ZNF461: variants seen among roughly 807,000 people sequenced by gnomAD.
ZNF461 encodes the protein gonadotropin-inducible ovarian transcription factor-1.
A neutral mutation model predicts 18.3 loss-of-function variants in ZNF461; 16 were observed. The ratio of observed to expected loss-of-function variants is 0.88; its 90% CI spans 0.59 to 1.33. ZNF461 has a LOEUF of 1.33. Among genes scored for constraint, ZNF461 ranks in the 40% most tolerant of loss-of-function variants. The pLI, the probability that ZNF461 is intolerant of heterozygous loss-of-function variation, is 0.00. For missense variants in ZNF461, 595 were observed against 669.9 expected, an observed-to-expected ratio of 0.89 and a Z score of 1.23; for synonymous variants, 179 against 216.9, an observed-to-expected ratio of 0.83 and a Z score of 1.54.
chr19:36,653,681 C>T (rs781028306), intron 4 of ZNF461, among the ~76,000 whole-genome samples: 8 of 152,266 alleles, frequency 5.3e-5, no homozygotes, highest in East Asian at 3.9e-4. Flanking sequence ...TTCACTACCA[C>T]GAGAACAGTA....
chr19:36,657,595 A>G (rs1484448834), intron 3 of ZNF461: 1 of 152,086 alleles, frequency 6.6e-6, no homozygotes, highest in Non-Finnish European at 1.5e-5. Context: ...CCTGACCAAC[A>G]TGGAAAAAAC....
rs1200861409 is a variant in ZNF461 at position 36,637,697 on chromosome 19, T to G, written c.*956A>C. 2 of 247,816 alleles carry G rather than the reference T, an allele frequency of 8.1e-6. No homozygotes were observed. The highest frequency in any genetic ancestry group is 5.6e-5 in the Admixed American group (1 of 17,850). The allele number at this position is 247,816 out of a possible 1,614,324, so 15.4% of individuals were successfully genotyped here. ...GGGTGTGTCTCAAAAAAAAAAAAAA[T>G]GAAGTAGGCCAAATGTGGACTAATA... On this transcript the variant is annotated 3_prime_UTR_variant, in exon 6 of 6. Transcript: ENST00000588268.
Position 36,639,467 on chromosome 19 carries a change from C to A in ZNF461, c.878G>T (p.Arg293Ile), listed in dbSNP as rs776583927. The A allele has an allele frequency of 2.9e-5, 47 of 1,613,710 alleles. No homozygotes were observed. Among genetic ancestry groups the A allele is most frequent in the Middle Eastern group, 1.6e-4 (1 of 6,082 alleles). The change falls in exon 6 of 6, where the codon AGA becomes ATA. Residue 293 changes from arginine (R) to isoleucine (I), a missense_variant. Coordinates refer to ENST00000588268, the MANE Select transcript of ZNF461 (RefSeq NM_153257.5). ...NYGSELTLHQ[R>I]IHTGEKPYEC... ...ATAAGGTTTCTCACCAGTGTGAATT[C>A]TTTGATGTAGAGTAAGTTCTGAGCC...
Position 36,636,676 on chromosome 19 carries a change from G to A in ZNF461, c.*1977C>T, listed in dbSNP as rs547782219. On this transcript the variant is annotated 3_prime_UTR_variant, in exon 6 of 6. Coordinates refer to ENST00000588268, the MANE Select transcript of ZNF461 (RefSeq NM_153257.5). ...AGAGCAAATCAAAAGCTGCAAAGGC[G>A]CCAAGCTCTGGTCTCCACACTATTT... Among the ~76,000 whole-genome samples, 82 of 152,294 alleles carry A rather than the reference G, an allele frequency of 5.4e-4. No homozygotes were observed. The highest frequency in any genetic ancestry group is 2.2e-3 in the Admixed American group (33 of 15,296).
chr19:36,643,982 G>A (rs3108611), intron 4 of ZNF461, 120 bp from the exon 5 acceptor site: 232,792 of 807,538 alleles, frequency 0.29, 33,808 homozygotes, highest in African/African-American at 0.34. Context: ...GCCCAAGCTG[G>A]AGTGCAATCA....
chr19:36,664,649 A>T lies in ZNF461; in HGVS notation c.9+49T>A, dbSNP rs749108536. On this transcript the variant is annotated intron_variant, in intron 2 of 5. Transcript: ENST00000588268. ...CTATACAAAAAAAACAAAAACAAAC[A>T]AACAAAAAATCAAGTATTGTAATTA... The T allele has an allele frequency of 7.4e-6, 11 of 1,483,734 alleles. No individual in the cohort carries two copies. In the African/African-American group the frequency reaches 1.4e-4, roughly 20 times the overall value. 91.9% of individuals were successfully genotyped at this position (1,483,734 alleles called of 1,614,324 possible).
In ZNF461 at chr19:36,637,501, A is replaced by G. The variant is rs546474934; in HGVS notation, c.*1152T>C. On this transcript the variant is annotated 3_prime_UTR_variant, in exon 6 of 6. Coordinates refer to ENST00000588268, the MANE Select transcript of ZNF461 (RefSeq NM_153257.5). ...AGGCATGAGCCACCAAGCCTGGCCA[A>G]TTTTGATAATTTTCATCCACATCAA... 5 of 155,824 alleles carry G rather than the reference A, an allele frequency of 3.2e-5. No homozygotes were observed. Among genetic ancestry groups the G allele is most frequent in the East Asian group, 1.9e-4 (1 of 5,270 alleles). 9.7% of individuals were successfully genotyped at this position (155,824 alleles called of 1,614,324 possible).
In ZNF461 at chr19:36,638,379, T is replaced by TGTTTCAGTGAAATATTTCACTG. The variant is rs771019934; in HGVS notation, c.*252_*273dup. On this transcript the variant is annotated 3_prime_UTR_variant, in exon 6 of 6. Transcript: ENST00000588268. Reference sequence around the variant, plus strand: ...GGAAATTGTTTTCATTTTATTTCACTGTTTCAGTGAAATATTTCACTGGTT... The same window carrying TGTTTCAGTGAAATATTTCACTG: ...GGAAATTGTTTTCATTTTATTTCACTGTTTCAGTGAAATATTTCACTGGTTTCAGTGAAATATTTCACTGGTT... 1.8e-5 allele frequency: 5 copies of TGTTTCAGTGAAATATTTCACTG among 270,660 alleles called. No homozygotes were observed. In the East Asian group the frequency reaches 2.1e-4, roughly 11 times the overall value. 16.8% of individuals were successfully genotyped at this position (270,660 alleles called of 1,614,324 possible).
At chr19:36,643,361 G>A (rs1020551288) in intron 5 of ZNF461, 2 of 152,298 alleles carry the variant, frequency 1.3e-5, no homozygotes, top group East Asian at 1.9e-4. Context: ...AATGATATAG[G>A]AGGTACTTTT....
At position 36,638,009 on chromosome 19, in the gene ZNF461, A is replaced by G; in HGVS notation, c.*644T>C. ...TATACGCCAGATACTCTTTAATCCC[A>G]CTGTTGGGAATCTGCACAATAGAAA... On this transcript the variant is annotated 3_prime_UTR_variant, in exon 6 of 6. Transcript: ENST00000588268. 4.2e-6 allele frequency: 1 copy of G among 235,454 alleles called. No homozygotes were observed. Among genetic ancestry groups the G allele is most frequent in the South Asian group, 4.6e-5 (1 of 21,694 alleles). The allele number at this position is 235,454 out of a possible 1,614,324, so 14.6% of individuals were successfully genotyped here.
At chr19:36,641,339 G>A (rs1235717612) in intron 5 of ZNF461, among the ~76,000 whole-genome samples, 1 of 152,022 alleles carries the variant, frequency 6.6e-6, no homozygotes, top group Non-Finnish European at 1.5e-5. Context: ...GGCCAACATG[G>A]TGAAACCTGT....
chr19:36,655,184 A>G (rs937433661), intron 4 of ZNF461, among the ~76,000 whole-genome samples: 3 of 152,012 alleles, frequency 2.0e-5, no homozygotes, highest in Non-Finnish European at 4.4e-5. Flanking sequence ...TTGTAAAGAC[A>G]GGGCTTTTGC....
At chr19:36,656,029 G>A (rs1342827541) in intron 4 of ZNF461, among the ~76,000 whole-genome samples, 3 of 127,932 alleles carry the variant, frequency 2.3e-5, no homozygotes, top group Admixed American at 9.6e-5. Flanking sequence ...ACGGAGTCTC[G>A]TTCTGTCGCC....
chr19:36,636,740 A>G lies in ZNF461; in HGVS notation c.*1913T>C, dbSNP rs1177353909. ...ACTTAGATCTAAGAAGCAGATGTTC[A>G]GGGGTGAAACAGTGAAAGGGGGGCA... On this transcript the variant is annotated 3_prime_UTR_variant, in exon 6 of 6. Transcript: ENST00000588268. Among the ~76,000 whole-genome samples, 1 of 152,238 alleles carries G rather than the reference A, an allele frequency of 6.6e-6. No individual in the cohort carries two copies. The highest frequency in any genetic ancestry group is 6.5e-5 in the Admixed American group (1 of 15,282).
Position 36,639,278 on chromosome 19 carries a change from G to C in ZNF461, c.1067C>G (p.Pro356Arg). The C allele has an allele frequency of 1.2e-6, 2 of 1,614,024 alleles. No individual in the cohort carries two copies. Among genetic ancestry groups the C allele is most frequent in the Non-Finnish European group, 1.7e-6 (2 of 1,180,006 alleles). ...EHLRLHTGEK[P>R]YECKECGKTF... Reference sequence around the variant, plus strand: ...CTTTCCACATTCTTTACATTCATAAGGTTTCTCTCCAGTATGGAGTCGCAG... The same window carrying C: ...CTTTCCACATTCTTTACATTCATAACGTTTCTCTCCAGTATGGAGTCGCAG... Residue 356 changes from proline to arginine, a missense_variant, in exon 6 of 6, where the codon CCT (proline) becomes CGT (arginine). By Grantham distance (103) the Pro-to-Arg change is moderately radical. Transcript: ENST00000588268.
At chr19:36,661,463 G>A (rs559240554) in intron 2 of ZNF461, among the ~76,000 whole-genome samples, 196 of 151,262 alleles carry the variant, frequency 1.3e-3, no homozygotes, top group African/African-American at 4.7e-3. Flanking sequence ...ATTAATCCAA[G>A]ACGAGGTAGG....
Position 36,643,885 on chromosome 19 carries a change from ATACT to A in ZNF461, c.233-27_233-24del, listed in dbSNP as rs932203823. ...TACCTACATGGAAACAAAAGAATAA[ATACT>A]TCATTTTAGAATAATATTTTATTAT... is the stretch of plus-strand genomic sequence containing the variant. On this transcript the variant is annotated intron_variant, in intron 4 of 5. Coordinates refer to ENST00000588268, the MANE Select transcript of ZNF461 (RefSeq NM_153257.5). The A allele has an allele frequency of 4.9e-6, 7 of 1,430,954 alleles. No homozygotes were observed. In the African/African-American group the frequency reaches 8.7e-5, roughly 18 times the overall value. The allele number at this position is 1,430,954 out of a possible 1,614,324, so 88.6% of individuals were successfully genotyped here.
Position 36,660,269 on chromosome 19 carries a change from C to A in ZNF461, c.10-1844G>T, listed in dbSNP as rs900159998. Among the ~76,000 whole-genome samples the A allele has an allele frequency of 5.9e-5, 9 of 151,630 alleles. No homozygotes were observed. The East Asian group carries it at 1.7e-3, about 29-fold the overall frequency. The stretch of plus-strand genomic sequence containing the variant: ...GGTTCAAGTGATTCTCATGCCTCAG[C>A]CTCCCGAGTAGCTGGGATTACAGGT... On this transcript the variant is annotated intron_variant, in intron 2 of 5. Transcript: ENST00000588268.
Position 36,664,700 on chromosome 19 carries a change from G to A in ZNF461, c.7C>T (p.His3Tyr), listed in dbSNP as rs201493265. The A allele has an allele frequency of 1.4e-4, 208 of 1,505,848 alleles. No homozygotes were observed. The highest frequency in any genetic ancestry group is 1.6e-4 in the Non-Finnish European group (176 of 1,134,290). 93.3% of individuals were successfully genotyped at this position (1,505,848 alleles called of 1,614,324 possible). A position where few individuals can be genotyped will look rare whatever the true frequency, so the allele number is the denominator to read the frequency against. Reference sequence around the variant, plus strand: ...GGAGCAAGAAAAAACCAACTTACATGGGCCATGTCTTATTTTAGAATTGAA... The same window carrying A: ...GGAGCAAGAAAAAACCAACTTACATAGGCCATGTCTTATTTTAGAATTGAA... MA[H>Y]ELVMFRDVAI... Residue 3 changes from histidine to tyrosine, a missense_variant and splice_region_variant, in exon 2 of 6, where the codon CAT (histidine) becomes TAT (tyrosine). By Grantham distance (83) the His-to-Tyr change is moderately conservative. Coordinates refer to ENST00000588268, the MANE Select transcript of ZNF461 (RefSeq NM_153257.5).
Sources: allele counts gnomAD v4.1 joint callset (sites outside exome capture counted in the v4.1 genomes callset), GRCh38; gene constraint gnomAD v4.1.1; transcripts MANE v1.5; gene names NCBI Gene and HGNC (gene_info 2026-07-23, HGNC 2026-07-21).